RXFP1: variants seen among roughly 807,000 people sequenced by gnomAD.
The protein encoded by RXFP1 is relaxin family peptide receptor 1.
RXFP1 carries 73 observed loss-of-function variants against 89.8 expected under a neutral mutation model. The ratio of observed to expected loss-of-function variants is 0.81; its 90% CI spans 0.67 to 0.99. The LOEUF is 0.99. Ranked by LOEUF, RXFP1 falls within the 50% of genes least tolerant of loss-of-function variation. RXFP1 has a pLI of 0.00. For missense variants in RXFP1, 793 were observed against 895.5 expected, an observed-to-expected ratio of 0.89 and a Z score of 1.46; for synonymous variants, 277 against 305.5, an observed-to-expected ratio of 0.91 and a Z score of 0.97.
chr4:158,632,278 CT>C (rs552873042), intron 11 of RXFP1, among the ~76,000 whole-genome samples: 6 of 152,186 alleles, frequency 3.9e-5, no homozygotes, highest in Non-Finnish European at 8.8e-5. Flanking sequence ...ATATTAGCCA[CT>C]TATTTTTAGT....
intron 9 of RXFP1, 76 bp from the exon 10 acceptor site, chr4:158,626,744 A>C: frequency 1.2e-6 from 1 of 863,672 alleles, no homozygotes; most frequent in Non-Finnish European, 1.8e-6. Flanking sequence ...ATTTTATTAG[A>C]AGGCAAATAA....
At chr4:158,632,782 C>A (rs753008965) in intron 11 of RXFP1, among the ~76,000 whole-genome samples, 8 of 151,986 alleles carry the variant, frequency 5.3e-5, no homozygotes, top group Non-Finnish European at 8.8e-5. Flanking sequence ...AAATTAAGAT[C>A]GCAAACCATG....
intron 6 of RXFP1, 57 bp downstream of exon 6, chr4:158,608,100 A>G: frequency 8.7e-7 from 1 of 1,155,298 alleles, no homozygotes; most frequent in African/African-American, 1.6e-5. Flanking sequence ...AGCCTAGACT[A>G]TTCCAATCCA....
At chr4:158,540,043 A>C (rs774738351) in intron 1 of RXFP1, among the ~76,000 whole-genome samples, 29 of 152,224 alleles carry the variant, frequency 1.9e-4, no homozygotes, top group Non-Finnish European at 3.8e-4. Flanking sequence ...TTATCTGCTC[A>C]TACCAAACAA....
chr4:158,617,419 C>CAAAA (rs201739625), intron 9 of RXFP1, among the ~76,000 whole-genome samples: 101 of 142,998 alleles, frequency 7.1e-4, no homozygotes, highest in African/African-American at 2.6e-3. Flanking sequence ...TAAAACATCT[C>CAAAA]AAAAAAAATA....
At chr4:158,542,023 G>A (rs1400962697) in intron 1 of RXFP1, among the ~76,000 whole-genome samples, 1 of 142,426 alleles carries the variant, frequency 7.0e-6, no homozygotes, top group African/African-American at 2.6e-5. Context: ...GGGTTCAAGC[G>A]ATTCTTCTGC....
chr4:158,571,640 C>A (rs1278698650), intron 1 of RXFP1, among the ~76,000 whole-genome samples: 3 of 151,174 alleles, frequency 2.0e-5, no homozygotes, highest in African/African-American at 7.3e-5. Context: ...CCAGCCTGGG[C>A]GACAAGAGTG....
chr4:158,547,490 A>G (rs533016503), intron 1 of RXFP1, among the ~76,000 whole-genome samples: 1 of 151,934 alleles, frequency 6.6e-6, no homozygotes, highest in East Asian at 1.9e-4. Context: ...GCTTCCTGCT[A>G]GCTTTTGAAT....
chr4:158,643,947 A>AGAT (rs1770938178), intron 14 of RXFP1, among the ~76,000 whole-genome samples: 1 of 151,894 alleles, frequency 6.6e-6, no homozygotes, highest in African/African-American at 2.4e-5. Context: ...CGTTGGAGTA[A>AGAT]GATGATACCT....
intron 3 of RXFP1, among the ~76,000 whole-genome samples, chr4:158,596,731 T>C (rs1465398651): frequency 2.0e-5 from 3 of 152,096 alleles, no homozygotes; most frequent in Non-Finnish European, 4.4e-5. Context: ...ATTAAGAAAA[T>C]CCTTCCTGAG....
intron 3 of RXFP1, among the ~76,000 whole-genome samples, chr4:158,593,867 A>G (rs1760022964): frequency 6.6e-6 from 1 of 152,224 alleles, no homozygotes; most frequent in Non-Finnish European, 1.5e-5. Context: ...GAGAGGGCAG[A>G]AAAGCTGTTT....
rs535235073 is a variant in RXFP1, at chr4:158,561,091, C to T, written c.50-11607C>T. The stretch of plus-strand genomic sequence containing the variant: ...CTTCAATTTACAAACCTATTTTCTA[C>T]TTATAAATCTTGTAAAATAAAACCA... On this transcript the variant is annotated intron_variant, in intron 1 of 17. Coordinates refer to ENST00000307765, the MANE Select transcript of RXFP1 (RefSeq NM_021634.4). Among the ~76,000 whole-genome samples, 5 of 152,298 alleles carry T rather than the reference C, an allele frequency of 3.3e-5. No individual in the cohort carries two copies. In the East Asian group the frequency reaches 9.6e-4, roughly 29 times the overall value.
At chr4:158,642,557 G>A (rs1297699795) in intron 14 of RXFP1, among the ~76,000 whole-genome samples, 1 of 152,022 alleles carries the variant, frequency 6.6e-6, no homozygotes, top group Non-Finnish European at 1.5e-5. Context: ...ATTATTCCTG[G>A]CTTATTCCAC....
At chr4:158,588,809 A>G (rs1758805134) in intron 2 of RXFP1, among the ~76,000 whole-genome samples, 1 of 152,182 alleles carries the variant, frequency 6.6e-6, no homozygotes, top group African/African-American at 2.4e-5. Context: ...GATCTGTTCC[A>G]TTGGTGACTC....
intron 1 of RXFP1, among the ~76,000 whole-genome samples, chr4:158,530,620 G>A (rs1215109911): frequency 6.6e-6 from 1 of 152,148 alleles, no homozygotes; most frequent in Non-Finnish European, 1.5e-5. Context: ...CATCAGTCAT[G>A]CTTTCTGTTA....
intron 1 of RXFP1, among the ~76,000 whole-genome samples, chr4:158,571,856 C>A (rs756840271): frequency 6.6e-5 from 10 of 152,156 alleles, no homozygotes; most frequent in Non-Finnish European, 1.2e-4. Flanking sequence ...CAGATACATT[C>A]AATGTGGCGA....
At chr4:158,548,301 T>C (rs908701790) in intron 1 of RXFP1, among the ~76,000 whole-genome samples, 2 of 152,220 alleles carry the variant, frequency 1.3e-5, no homozygotes, top group African/African-American at 4.8e-5. Flanking sequence ...TCCATTTGCT[T>C]GGTAGATCTT....
chr4:158,601,753 G>A (rs775294047), intron 4 of RXFP1, among the ~76,000 whole-genome samples: 3 of 152,202 alleles, frequency 2.0e-5, no homozygotes, highest in Non-Finnish European at 4.4e-5. Context: ...CCATATGTAA[G>A]TATCAAAGAA....
At chr4:158,556,505 A>G (rs141881851) in intron 1 of RXFP1, among the ~76,000 whole-genome samples, 10 of 152,246 alleles carry the variant, frequency 6.6e-5, no homozygotes, top group South Asian at 2.1e-4. Context: ...AACTATGGAG[A>G]TTCCTCAAAA....
Sources: allele counts gnomAD v4.1 joint callset (sites outside exome capture counted in the v4.1 genomes callset), GRCh38; gene constraint gnomAD v4.1.1; transcripts MANE v1.5; gene names NCBI Gene and HGNC (gene_info 2026-07-23, HGNC 2026-07-21).